Variants in KDM2B observed in about 807,000 individuals in gnomAD.
KDM2B encodes lysine demethylase 2B, also known as lysine-specific demethylase 2B.
A neutral mutation model predicts 150.0 loss-of-function variants in KDM2B; 26 were observed. The ratio of observed to expected loss-of-function variants is 0.17; its 90% CI spans 0.13 to 0.24. KDM2B has a LOEUF of 0.24. Among genes scored for constraint, KDM2B ranks in the 10% least tolerant of loss-of-function variants. KDM2B has a pLI of 1.00. For missense variants in KDM2B, 1,265 were observed against 1,816.9 expected (o/e 0.70, Z 5.52); for synonymous variants, 734 against 729.5 (o/e 1.01, Z -0.10).
In KDM2B at chr12:121,471,995, T is replaced by A. The variant is rs1017568496; in HGVS notation, c.1735-18651A>T. ...AAAATTAGCCGGGCATGGTGACGCG[T>A]GCCTATAATCCCAGCTACTCGGGAG... is the stretch of plus-strand genomic sequence containing the variant. On this transcript the variant is annotated intron_variant, in intron 12 of 22. Transcript: ENST00000377071. Among the ~76,000 whole-genome samples, 15 of 152,254 alleles carry A rather than the reference T, an allele frequency of 9.9e-5. No individual in the cohort carries two copies. The East Asian group carries it at 2.5e-3, about 25-fold the overall frequency.
At chr12:121,420,707 G>T in the KDM2B span, 9 of 1,614,110 alleles carry the variant, frequency 5.6e-6, no homozygotes, top group Non-Finnish European at 7.6e-6. Context: ...TATTCTGGCT[G>T]TTGTGAAAAA....
the KDM2B span, chr12:121,415,405 G>C: frequency 7.8e-4 from 198 of 253,462 alleles, no homozygotes; most frequent in African/African-American, 4.0e-3. Context: ...CAGATCACTT[G>C]AGGCCACGCA....
At chr12:121,539,527 T>C (rs1481945938) in intron 6 of KDM2B, among the ~76,000 whole-genome samples, 2 of 151,984 alleles carry the variant, frequency 1.3e-5, no homozygotes, top group African/African-American at 2.4e-5. Flanking sequence ...AGCAACCCTA[T>C]AATTACTTCA....
At position 121,531,749 on chromosome 12, in the gene KDM2B, A is replaced by G. The variant is rs563013282; in HGVS notation, c.931+1057T>C. 2.0e-5 allele frequency among the ~76,000 whole-genome samples: 3 copies of G among 152,072 alleles called. No homozygotes were observed. The East Asian group carries it at 5.8e-4, about 29-fold the overall frequency. ...TGGTTTCCAGACACACCCACACCCC[A>G]CTTCAGGTTGATTTAACCTCCAAAG... On this transcript the variant is annotated intron_variant, in intron 8 of 22. Transcript: ENST00000377071.
chr12:121,497,453 T>C (rs1884092828), intron 11 of KDM2B, among the ~76,000 whole-genome samples: 2 of 152,042 alleles, frequency 1.3e-5, no homozygotes, highest in Non-Finnish European at 2.9e-5. Context: ...TACAGGCGTG[T>C]GCCACCACCC....
intron 12 of KDM2B, among the ~76,000 whole-genome samples, chr12:121,489,491 G>A (rs1443765548): frequency 6.6e-6 from 1 of 152,120 alleles, no homozygotes; most frequent in African/African-American, 2.4e-5. Context: ...CCAGGCTGGA[G>A]TACAGTGATG....
At chr12:121,432,858 G>C (rs1359059985) in intron 22 of KDM2B, among the ~76,000 whole-genome samples, 1 of 152,216 alleles carries the variant, frequency 6.6e-6, no homozygotes, top group African/African-American at 2.4e-5. Flanking sequence ...CTAGTTCCTG[G>C]CTAGAAGGGA....
chr12:121,460,317 C>A (rs180923494), intron 12 of KDM2B, among the ~76,000 whole-genome samples: 45 of 152,366 alleles, frequency 3.0e-4, no homozygotes, highest in Admixed American at 2.4e-3. Context: ...ACATTAAAAA[C>A]TAACATCTAG....
chr12:121,412,771 C>T, the KDM2B span, among the ~76,000 whole-genome samples: 74 of 146,742 alleles, frequency 5.0e-4, no homozygotes, highest in Non-Finnish European at 9.0e-4. Context: ...GTCACCCAGG[C>T]TGGAGTGCAG....
At chr12:121,565,161 G>A (rs1890611498) in intron 4 of KDM2B, among the ~76,000 whole-genome samples, 1 of 151,414 alleles carries the variant, frequency 6.6e-6, no homozygotes, top group African/African-American at 2.4e-5. Context: ...AAAGAACAAA[G>A]CTGAAGAACT....
At chr12:121,457,490 G>A (rs757872444) in intron 12 of KDM2B, among the ~76,000 whole-genome samples, 3 of 151,946 alleles carry the variant, frequency 2.0e-5, no homozygotes, top group African/African-American at 4.8e-5. Context: ...TCAAACTCCC[G>A]GCCTCAAGTG....
intron 8 of KDM2B, among the ~76,000 whole-genome samples, chr12:121,530,713 C>T (rs1366556865): frequency 6.6e-6 from 1 of 152,130 alleles, no homozygotes; most frequent in African/African-American, 2.4e-5. Context: ...CTCTTCCTGC[C>T]TTCAATAGAC....
At position 121,478,866 on chromosome 12, in the gene KDM2B, T is replaced by TTGTTTGTGTGTGTGTGTGTGTG. The variant is rs61509046; in HGVS notation, c.1734+15712_1734+15713insCACACACACACACACACAAACA. Among the ~76,000 whole-genome samples the TTGTTTGTGTGTGTGTGTGTGTG allele has an allele frequency of 2.1e-3, 278 of 131,206 alleles. 1 individual carries two copies. The highest frequency in any genetic ancestry group is 0.01 in the Admixed American group (122 of 11,788). The allele number at this position is 131,206 out of a possible 152,430, so 86.1% of individuals were successfully genotyped here. On this transcript the variant is annotated intron_variant, in intron 12 of 22. Coordinates refer to ENST00000377071, the MANE Select transcript of KDM2B (RefSeq NM_032590.5). Reference sequence around the variant, plus strand: ...CCACAACCGGCTAATTTTTGTTTGTTTGTGTGTGTGTGTGTGTGTGTGTGT... The same window carrying TTGTTTGTGTGTGTGTGTGTGTG: ...CCACAACCGGCTAATTTTTGTTTGTTTGTTTGTGTGTGTGTGTGTGTGTGTGTGTGTGTGTGTGTGTGTGTGT...
At chr12:121,574,807 G>T (rs1383498635) in intron 3 of KDM2B, among the ~76,000 whole-genome samples, 1 of 152,180 alleles carries the variant, frequency 6.6e-6, no homozygotes, top group Non-Finnish European at 1.5e-5. Context: ...TACCCCAAGA[G>T]GCAACTCAAA....
chr12:121,561,164 G>A (rs1890311001), intron 4 of KDM2B, among the ~76,000 whole-genome samples: 1 of 152,110 alleles, frequency 6.6e-6, no homozygotes, highest in Admixed American at 6.5e-5. Context: ...GGTTCCATCC[G>A]TCAGCTCCGA....
chr12:121,460,815 T>G (rs1879011896), intron 12 of KDM2B, among the ~76,000 whole-genome samples: 1 of 152,132 alleles, frequency 6.6e-6, no homozygotes, highest in Non-Finnish European at 1.5e-5. Flanking sequence ...CAGGCTGGTC[T>G]TGGACTCCTA....
chr12:121,412,230 CTTTTT>C, the KDM2B span, among the ~76,000 whole-genome samples: 1 of 49,610 alleles, frequency 2.0e-5, no homozygotes, highest in East Asian at 7.3e-4. Flanking sequence ...CCCAACTAAT[CTTTTT>C]TTTTTTTTTT....
intron 7 of KDM2B, 82 bp downstream of exon 7, chr12:121,534,415 G>T: frequency 2.1e-6 from 2 of 959,262 alleles, no homozygotes; most frequent in South Asian, 1.3e-5. Context: ...GAGGGAGGTG[G>T]GAGGAGAGGG....
chr12:121,508,193 C>CCT (rs1175179981), intron 11 of KDM2B, among the ~76,000 whole-genome samples: 1 of 151,956 alleles, frequency 6.6e-6, no homozygotes, highest in African/African-American at 2.4e-5. Flanking sequence ...GTCAAGCAAT[C>CCT]CTCTCTCCTC....
Sources: gnomAD v4.1 joint callset for allele counts (sites outside exome capture counted in the v4.1 genomes callset) on GRCh38, gnomAD v4.1.1 for gene constraint, MANE v1.5 for transcripts, NCBI Gene and HGNC (gene_info 2026-07-23, HGNC 2026-07-21) for gene names.